Variants in LAPTM4A observed in about 807,000 individuals in gnomAD.
LAPTM4A encodes the protein lysosomal protein transmembrane 4 alpha, also known as lysosomal-associated transmembrane protein 4A.
A neutral mutation model predicts 29.9 loss-of-function variants in LAPTM4A; 19 were observed. The observed-to-expected ratio is 0.64, with a 90% CI of 0.44 to 0.93. LAPTM4A has a LOEUF of 0.93. LAPTM4A is among the 40% of genes least tolerant of loss of function. LAPTM4A has a pLI of 0.00. For missense variants in LAPTM4A, 293 were observed against 288.5 expected, an observed-to-expected ratio of 1.02 and a Z score of -0.11; for synonymous variants, 105 against 102.1, an observed-to-expected ratio of 1.03 and a Z score of -0.17.
chr2:20,032,968 T>G lies in LAPTM4A; in HGVS notation c.*237A>C. 1 of 492,904 alleles carries G rather than the reference T, an allele frequency of 2.0e-6. No individual in the cohort carries two copies. The highest frequency in any genetic ancestry group is 3.6e-6 in the Non-Finnish European group (1 of 276,766). The allele number at this position is 492,904 out of a possible 1,614,324, so 30.5% of individuals were successfully genotyped here. On this transcript the variant is annotated 3_prime_UTR_variant, in exon 7 of 7. Transcript: ENST00000175091. ...CCAATTAAAGGCAAACAATGGCACT[T>G]TGCTCTTGCTTAACCTAGATTGTCT...
intron 1 of LAPTM4A, among the ~76,000 whole-genome samples, chr2:20,046,377 T>A (rs1333899885): frequency 3.3e-5 from 5 of 152,178 alleles, no homozygotes; most frequent in Non-Finnish European, 7.3e-5. Context: ...TTGTTGTTGT[T>A]TACTGTTACA....
intron 1 of LAPTM4A, among the ~76,000 whole-genome samples, chr2:20,047,929 A>T (rs1049965089): frequency 1.3e-4 from 20 of 152,222 alleles, no homozygotes; most frequent in Admixed American, 7.2e-4. Context: ...GCAAAGGCAG[A>T]GGCACAAAAC....
chr2:20,044,063 A>G (rs1213573968), intron 1 of LAPTM4A, among the ~76,000 whole-genome samples: 1 of 152,240 alleles, frequency 6.6e-6, no homozygotes. Context: ...TGCATTGTTC[A>G]GAGGCAAGGC....
At chr2:20,050,297 C>T (rs956144012) in intron 1 of LAPTM4A, among the ~76,000 whole-genome samples, 1 of 152,204 alleles carries the variant, frequency 6.6e-6, no homozygotes. Context: ...TGTCCAAATG[C>T]TTACTAATGA....
At position 20,050,467 on chromosome 2, in the gene LAPTM4A, G is replaced by A. The variant is rs551983389; in HGVS notation, c.111+943C>T. ...GCGAAGTCATTAAAGTGGCCAAGTCGACCATGTAGGAAGTTTGTCACGGCT... is the reference window on the plus strand; with the variant it reads ...GCGAAGTCATTAAAGTGGCCAAGTCAACCATGTAGGAAGTTTGTCACGGCT... On this transcript the variant is annotated intron_variant, in intron 1 of 6. Coordinates refer to ENST00000175091, the MANE Select transcript of LAPTM4A (RefSeq NM_014713.5). Among the ~76,000 whole-genome samples the A allele has an allele frequency of 4.6e-5, 7 of 152,288 alleles. No individual in the cohort carries two copies. In the East Asian group the frequency reaches 1.3e-3, roughly 29 times the overall value.
At chr2:20,049,215 T>A (rs1323757022) in intron 1 of LAPTM4A, among the ~76,000 whole-genome samples, 1 of 152,204 alleles carries the variant, frequency 6.6e-6, no homozygotes, top group South Asian at 2.1e-4. Context: ...AAATGACACA[T>A]GGCCCCTGTG....
At position 20,051,623 on chromosome 2, in the gene LAPTM4A, G is replaced by A. The variant is rs1338060707; in HGVS notation, c.-103C>T. 1.4e-6 allele frequency: 1 copy of A among 738,336 alleles called. No individual in the cohort carries two copies. Among genetic ancestry groups the A allele is most frequent in the South Asian group, 1.8e-5 (1 of 56,696 alleles). 45.7% of individuals were successfully genotyped at this position (738,336 alleles called of 1,614,324 possible). A position where few individuals can be genotyped will look rare whatever the true frequency, so the allele number is the denominator to read the frequency against. ...CACGGCCTCCAAAACCCAACGACGC[G>A]TCTTCAAACCCGCCCCCGGCTCGTG... On this transcript the variant is annotated 5_prime_UTR_variant, in exon 1 of 7. In the 5' UTR this introduces an upstream ATG that the reference lacks. Coordinates refer to ENST00000175091, the MANE Select transcript of LAPTM4A (RefSeq NM_014713.5).
chr2:20,042,381 C>T (rs1043031036), intron 1 of LAPTM4A, among the ~76,000 whole-genome samples: 2 of 152,162 alleles, frequency 1.3e-5, no homozygotes, highest in Non-Finnish European at 2.9e-5. Context: ...TTCAGAGGCC[C>T]AAGCATAGGC....
chr2:20,036,523 T>C (rs13417034), intron 4 of LAPTM4A, among the ~76,000 whole-genome samples: 49 of 152,316 alleles, frequency 3.2e-4, no homozygotes, highest in African/African-American at 1.2e-3. Context: ...GCAGAGTGCC[T>C]TGCACATAAG....
chr2:20,040,844 T>C (rs758050772), intron 2 of LAPTM4A, 47 bp downstream of exon 2: 1 of 1,570,066 alleles, frequency 6.4e-7, no homozygotes, highest in Non-Finnish European at 8.8e-7. Flanking sequence ...GGACTGTATA[T>C]AAAAATTAGC....
At chr2:20,040,392 A>G (rs1207266153) in intron 2 of LAPTM4A, among the ~76,000 whole-genome samples, 1 of 152,244 alleles carries the variant, frequency 6.6e-6, no homozygotes, top group East Asian at 1.9e-4. Context: ...CTGCCTCAGC[A>G]AGAATGACTT....
chr2:20,033,548 G>A (rs980588519), intron 6 of LAPTM4A, among the ~76,000 whole-genome samples: 6 of 152,160 alleles, frequency 3.9e-5, no homozygotes, highest in African/African-American at 1.4e-4. Context: ...CAGGCAGTGG[G>A]TGCCATTGCT....
At chr2:20,036,069 AG>A (rs1298187203) in intron 4 of LAPTM4A, among the ~76,000 whole-genome samples, 1 of 152,176 alleles carries the variant, frequency 6.6e-6, no homozygotes, top group East Asian at 1.9e-4. Context: ...GGAGCTCATG[AG>A]GGAATGCTAT....
rs374186388 is a variant in LAPTM4A, at chr2:20,037,592, G to T, written c.255C>A (p.Ala85=). ...TGATTATAAACATAAGAACAGAGAC[G>T]GCAAAAAGAACACAGGCATTATCTA... ...RMADNACVLF[A]VSVLMFIISS... Residue 85 remains alanine (A), a synonymous_variant, in exon 3 of 7, where the codon GCC becomes GCA. Coordinates refer to ENST00000175091, the MANE Select transcript of LAPTM4A (RefSeq NM_014713.5). 1.2e-6 allele frequency: 2 copies of T among 1,603,882 alleles called. No individual in the cohort carries two copies. Among genetic ancestry groups the T allele is most frequent in the South Asian group, 1.1e-5 (1 of 88,954 alleles).
At chr2:20,051,371 AG>A (rs1674066735) in intron 1 of LAPTM4A, 38 bp downstream of exon 1, 3 of 1,003,216 alleles carry the variant, frequency 3.0e-6, no homozygotes, top group African/African-American at 2.2e-5. Flanking sequence ...CCCGCTCCCC[AG>A]GCCCCCCGGA....
At chr2:20,039,825 G>A (rs147008627) in intron 2 of LAPTM4A, among the ~76,000 whole-genome samples, 2,140 of 152,228 alleles carry the variant, frequency 0.014, 52 homozygotes, top group African/African-American at 0.05. Context: ...AGGCTGAGGC[G>A]GGTGGATCAC....
At chr2:20,048,154 G>A (rs1673975730) in intron 1 of LAPTM4A, among the ~76,000 whole-genome samples, 1 of 152,160 alleles carries the variant, frequency 6.6e-6, no homozygotes, top group Admixed American at 6.6e-5. Flanking sequence ...TCAAAATGTA[G>A]TCTTGTAGTG....
At chr2:20,043,664 G>A (rs1431974493) in intron 1 of LAPTM4A, among the ~76,000 whole-genome samples, 1 of 152,162 alleles carries the variant, frequency 6.6e-6, no homozygotes, top group Admixed American at 6.5e-5. Flanking sequence ...TTATTTTAGG[G>A]TAGGTGATCT....
At chr2:20,033,353 A>G in intron 6 of LAPTM4A, 74 bp from the exon 7 acceptor site, 1 of 1,163,920 alleles carries the variant, frequency 8.6e-7, no homozygotes, top group South Asian at 1.2e-5. Context: ...CAGCTTTCAG[A>G]CTTTATGCCC....
Sources: allele counts gnomAD v4.1 joint callset (sites outside exome capture counted in the v4.1 genomes callset), GRCh38; gene constraint gnomAD v4.1.1; transcripts MANE v1.5; gene names NCBI Gene and HGNC (gene_info 2026-07-23, HGNC 2026-07-21).